Variants in GPC5 observed in about 807,000 individuals in gnomAD.
GPC5 encodes the protein glypican 5.
In GPC5, 47 loss-of-function variants were observed where a neutral mutation model predicts 53.9. The ratio of observed to expected loss-of-function variants is 0.87; its 90% confidence interval spans 0.69 to 1.11. GPC5 has a LOEUF of 1.11. Ranked by LOEUF, GPC5 falls within the 50% of genes most tolerant of loss-of-function variation. The pLI is 0.00. For synonymous variants in GPC5, 286 were observed against 263.3 expected (o/e 1.09, Z -0.84); for missense variants, 748 against 713.1 (o/e 1.05, Z -0.56).
At chr13:92,311,335 A>T (rs558366785) in intron 7 of GPC5, among the ~76,000 whole-genome samples, 14 of 152,302 alleles carry the variant, frequency 9.2e-5, no homozygotes, top group African/African-American at 3.4e-4. Context: ...GCCATTTCAG[A>T]AGGTGAATTG....
At chr13:92,399,015 A>G (rs1875430535) in intron 7 of GPC5, among the ~76,000 whole-genome samples, 1 of 152,080 alleles carries the variant, frequency 6.6e-6, no homozygotes, top group African/African-American at 2.4e-5. Context: ...GTGTTTCATG[A>G]TGTTACCTGA....
At chr13:92,489,198 C>T (rs1879668184) in intron 7 of GPC5, among the ~76,000 whole-genome samples, 1 of 152,088 alleles carries the variant, frequency 6.6e-6, no homozygotes, top group African/African-American at 2.4e-5. Context: ...GATTTAACCA[C>T]CAAACTAAGA....
At chr13:91,742,350 G>C (rs1021901072) in intron 4 of GPC5, among the ~76,000 whole-genome samples, 5 of 152,134 alleles carry the variant, frequency 3.3e-5, no homozygotes, top group Admixed American at 3.3e-4. Context: ...AATCCATGCA[G>C]AATTTTGTTG....
At chr13:91,511,413 C>A (rs1885222926) in intron 2 of GPC5, among the ~76,000 whole-genome samples, 1 of 151,994 alleles carries the variant, frequency 6.6e-6, no homozygotes, top group Non-Finnish European at 1.5e-5. Flanking sequence ...TGATACATTT[C>A]TTTTGGTTTG....
intron 6 of GPC5, among the ~76,000 whole-genome samples, chr13:92,032,007 A>G (rs2040855559): frequency 7.5e-6 from 1 of 133,000 alleles, no homozygotes. Context: ...ATAATTGTAT[A>G]TAATATATAA....
At chr13:91,964,831 C>A (rs1021377363) in intron 6 of GPC5, among the ~76,000 whole-genome samples, 3 of 152,010 alleles carry the variant, frequency 2.0e-5, no homozygotes, top group African/African-American at 4.8e-5. Context: ...TTGGAACCAA[C>A]CGAAATGTCC....
chr13:91,673,151 A>G (rs1209456497), intron 2 of GPC5, among the ~76,000 whole-genome samples: 4 of 152,118 alleles, frequency 2.6e-5, no homozygotes, highest in African/African-American at 9.7e-5. Flanking sequence ...TGGCACGCAT[A>G]TACCTGTGTA....
intron 7 of GPC5, among the ~76,000 whole-genome samples, chr13:92,389,455 G>C (rs185498429): frequency 6.6e-6 from 1 of 152,204 alleles, no homozygotes; most frequent in Non-Finnish European, 1.5e-5. Context: ...CTTCAAAAAT[G>C]CATCATGTAT....
At chr13:92,496,649 C>T in intron 7 of GPC5, among the ~76,000 whole-genome samples, 1 of 152,206 alleles carries the variant, frequency 6.6e-6, no homozygotes, top group South Asian at 2.1e-4. Flanking sequence ...CGACCAAATT[C>T]ACAGAACTCA....
chr13:91,729,251 C>T (rs1396716505), intron 4 of GPC5, among the ~76,000 whole-genome samples: 1 of 152,080 alleles, frequency 6.6e-6, no homozygotes, highest in Admixed American at 6.6e-5. Context: ...TTTCTACCAC[C>T]GTGTCCATCA....
At chr13:91,553,624 A>G (rs1403555208) in intron 2 of GPC5, among the ~76,000 whole-genome samples, 1 of 152,062 alleles carries the variant, frequency 6.6e-6, no homozygotes, top group East Asian at 1.9e-4. Context: ...CTGTATTTGT[A>G]AGGCATCGTT....
chr13:92,391,862 G>A (rs1460043943), intron 7 of GPC5, among the ~76,000 whole-genome samples: 2 of 152,162 alleles, frequency 1.3e-5, no homozygotes, highest in South Asian at 2.1e-4. Flanking sequence ...GTAGGTCAGA[G>A]AAGATTTCTC....
chr13:92,306,232 C>T (rs1055495402), intron 7 of GPC5, among the ~76,000 whole-genome samples: 3 of 152,176 alleles, frequency 2.0e-5, no homozygotes, highest in African/African-American at 7.2e-5. Context: ...TGTGTGAATT[C>T]CTGAAACAGA....
chr13:92,579,722 T>G (rs1365184991), intron 7 of GPC5, among the ~76,000 whole-genome samples: 1 of 152,186 alleles, frequency 6.6e-6, no homozygotes, highest in Non-Finnish European at 1.5e-5. Flanking sequence ...GTCTTTAACA[T>G]GTCTTAGAGA....
chr13:91,426,029 T>G lies in GPC5; in HGVS notation c.164-22732T>G, dbSNP rs188934359. Reference sequence around the variant, plus strand: ...CCTAGAGATCTGTGGAACTTTGAACTTGAGAGAGATGATCTGAAATTGAAA... The same window carrying G: ...CCTAGAGATCTGTGGAACTTTGAACGTGAGAGAGATGATCTGAAATTGAAA... On this transcript the variant is annotated intron_variant, in intron 1 of 7. Transcript: ENST00000377067. Among the ~76,000 whole-genome samples the G allele has an allele frequency of 2.4e-3, 362 of 152,206 alleles. 1 individual carries two copies. Among genetic ancestry groups the G allele is most frequent in the Non-Finnish European group, 2.3e-3 (155 of 68,004 alleles).
chr13:91,771,955 A>G (rs9515971), intron 5 of GPC5, among the ~76,000 whole-genome samples: 54,523 of 152,062 alleles, frequency 0.36, 11,456 homozygotes, highest in East Asian at 0.65. Context: ...AATGAATTGC[A>G]TAAAGCAGAA....
chr13:92,112,921 C>A (rs1263789776), intron 6 of GPC5, among the ~76,000 whole-genome samples: 3 of 152,042 alleles, frequency 2.0e-5, no homozygotes, highest in Non-Finnish European at 4.4e-5. Context: ...ATAAAAGGTG[C>A]CGCAAAACTG....
intron 7 of GPC5, among the ~76,000 whole-genome samples, chr13:92,676,388 AT>A (rs1286197269): frequency 6.6e-6 from 1 of 152,078 alleles, no homozygotes; most frequent in African/African-American, 2.4e-5. Context: ...CTCTACTGTG[AT>A]TTTTTTAGGA....
intron 6 of GPC5, among the ~76,000 whole-genome samples, chr13:91,987,026 G>A (rs1355149015): frequency 6.6e-6 from 1 of 152,174 alleles, no homozygotes; most frequent in African/African-American, 2.4e-5. Flanking sequence ...AACAATCAAG[G>A]TTACACAAAG....
Sources: allele counts gnomAD v4.1 joint callset (sites outside exome capture counted in the v4.1 genomes callset), GRCh38; gene constraint gnomAD v4.1.1; transcripts MANE v1.5; gene names NCBI Gene and HGNC (gene_info 2026-07-23, HGNC 2026-07-21).